The following AMPH variants were observed in gnomAD, a reference collection of about 807,000 sequenced individuals.
AMPH encodes the protein amphiphysin.
Under a neutral mutation model 99.1 loss-of-function variants are expected in AMPH, and 49 were observed. The observed-to-expected ratio is 0.49, with a 90% CI of 0.39 to 0.63. The LOEUF (loss-of-function observed/expected upper bound fraction) is 0.63. AMPH is among the 20% of genes least tolerant of loss of function. The pLI, the probability that AMPH is intolerant of heterozygous loss-of-function variation, is 0.00. For synonymous variants in AMPH, 314 were observed against 317.3 expected (o/e 0.99, Z 0.11); for missense variants, 759 against 863.4 (o/e 0.88, Z 1.52).
chr7:38,623,740 T>C (rs576407525), intron 1 of AMPH, among the ~76,000 whole-genome samples: 1 of 152,330 alleles, frequency 6.6e-6, no homozygotes, highest in Non-Finnish European at 1.5e-5. Flanking sequence ...CCATTCTTTT[T>C]ATACATGCAC....
intron 20 of AMPH, among the ~76,000 whole-genome samples, chr7:38,389,493 T>C (rs1011827024): frequency 2.0e-5 from 3 of 152,066 alleles, no homozygotes; most frequent in African/African-American, 7.2e-5. Flanking sequence ...TTTGAAGGGG[T>C]CTTTTAGTTC....
intron 3 of AMPH, among the ~76,000 whole-genome samples, chr7:38,495,697 G>A (rs867871133): frequency 2.5e-4 from 38 of 151,332 alleles, no homozygotes; most frequent in African/African-American, 8.5e-4. Context: ...TATGAATGAA[G>A]TTTTAAATCA....
At chr7:38,420,315 G>C (rs2215954) in intron 16 of AMPH, among the ~76,000 whole-genome samples, 99,913 of 152,088 alleles carry the variant, frequency 0.66, 33,622 homozygotes, top group East Asian at 0.94. Context: ...GATAAAATGT[G>C]AGCAACCGCT....
At chr7:38,509,754 A>C (rs1789468298) in intron 2 of AMPH, among the ~76,000 whole-genome samples, 1 of 152,192 alleles carries the variant, frequency 6.6e-6, no homozygotes, top group South Asian at 2.1e-4. Flanking sequence ...ACAGTATTTA[A>C]TATACTGGTA....
rs991888502 is a variant in AMPH, at chr7:38,465,736, G to A, written c.667-187C>T. Among the ~76,000 whole-genome samples, 7 of 152,168 alleles carry A rather than the reference G, an allele frequency of 4.6e-5. 1 individual carries two copies. The highest frequency in any genetic ancestry group is 4.1e-4 in the South Asian group (2 of 4,820). On this transcript the variant is annotated intron_variant, in intron 8 of 20. Coordinates refer to ENST00000356264, the MANE Select transcript of AMPH (RefSeq NM_001635.4). Reference sequence around the variant, plus strand: ...AATCTATGTCAAAACTGAAACAAACGAAACACGAGTAAACTAAATATATAT... The same window carrying A: ...AATCTATGTCAAAACTGAAACAAACAAAACACGAGTAAACTAAATATATAT...
intron 1 of AMPH, among the ~76,000 whole-genome samples, chr7:38,587,947 T>TGTGTGTGCGC (rs1554368935): frequency 1.4e-5 from 2 of 144,714 alleles, no homozygotes; most frequent in African/African-American, 5.1e-5. Context: ...TGTGTGTGTG[T>TGTGTGTGCGC]GTGCGCGTGT....
At chr7:38,461,083 T>TA (rs968502975) in intron 11 of AMPH, among the ~76,000 whole-genome samples, 200 bp downstream of exon 11, 21 of 152,108 alleles carry the variant, frequency 1.4e-4, no homozygotes, top group African/African-American at 3.4e-4. Context: ...TACCCTTAAT[T>TA]AAAAAAAAGA....
At chr7:38,543,644 T>TGAAAATTA (rs1790891969) in intron 1 of AMPH, among the ~76,000 whole-genome samples, 1 of 152,208 alleles carries the variant, frequency 6.6e-6, no homozygotes, top group African/African-American at 2.4e-5. Context: ...ATGAGAACAC[T>TGAAAATTA]GAAAATTAGA....
At chr7:38,547,161 C>T (rs1214566941) in intron 1 of AMPH, among the ~76,000 whole-genome samples, 1 of 152,130 alleles carries the variant, frequency 6.6e-6, no homozygotes, top group African/African-American at 2.4e-5. Context: ...CCTCCCCTTG[C>T]TTTTAGGCCT....
At chr7:38,534,820 A>T in intron 2 of AMPH, 111 bp downstream of exon 2, 1 of 846,284 alleles carries the variant, frequency 1.2e-6, no homozygotes, top group Non-Finnish European at 1.9e-6. Context: ...CTCTCAAGTT[A>T]GTGCCAACTC....
At chr7:38,505,940 A>T (rs1789309899) in intron 2 of AMPH, among the ~76,000 whole-genome samples, 2 of 152,214 alleles carry the variant, frequency 1.3e-5, no homozygotes, top group South Asian at 4.1e-4. Flanking sequence ...GAGAAAGATC[A>T]TACTTCCTGC....
intron 2 of AMPH, among the ~76,000 whole-genome samples, chr7:38,512,239 G>A (rs1417856187): frequency 2.0e-5 from 3 of 152,066 alleles, no homozygotes; most frequent in African/African-American, 2.4e-5. Flanking sequence ...TCCATGTTGG[G>A]GCTTACAAGG....
intron 3 of AMPH, among the ~76,000 whole-genome samples, chr7:38,503,275 G>A (rs1584177206): frequency 6.6e-6 from 1 of 152,152 alleles, no homozygotes; most frequent in Non-Finnish European, 1.5e-5. Flanking sequence ...CCAGTGAGAG[G>A]GCTTAGGTGC....
chr7:38,482,473 A>G (rs1788323132), intron 5 of AMPH, among the ~76,000 whole-genome samples: 1 of 152,170 alleles, frequency 6.6e-6, no homozygotes, highest in African/African-American at 2.4e-5. Flanking sequence ...TGAGAAGACC[A>G]GCCAATATAA....
intron 1 of AMPH, among the ~76,000 whole-genome samples, chr7:38,603,048 T>C (rs1793305780): frequency 6.6e-6 from 1 of 152,174 alleles, no homozygotes; most frequent in South Asian, 2.1e-4. Context: ...TAGTACCATA[T>C]CTATTTCCTC....
intron 1 of AMPH, among the ~76,000 whole-genome samples, chr7:38,608,689 G>A (rs1051246423): frequency 1.3e-5 from 2 of 152,170 alleles, no homozygotes; most frequent in Admixed American, 1.3e-4. Flanking sequence ...GAGAAAGAAG[G>A]CTGAGGGCTG....
intron 1 of AMPH, among the ~76,000 whole-genome samples, chr7:38,576,212 A>G (rs144350340): frequency 2.4e-4 from 37 of 152,242 alleles, no homozygotes; most frequent in Non-Finnish European, 5.1e-4. Flanking sequence ...AAAGGAGTCC[A>G]TATTACTTTG....
intron 1 of AMPH, among the ~76,000 whole-genome samples, chr7:38,582,174 C>T (rs1274391495): frequency 1.3e-5 from 2 of 152,056 alleles, no homozygotes; most frequent in Non-Finnish European, 2.9e-5. Context: ...AAGGAACCAG[C>T]TAAAAAGGAA....
rs544834343 is a variant in AMPH, at chr7:38,476,346, T to C, written c.504+516A>G. Reference sequence around the variant, plus strand: ...ATTCAGGCAGCTGTGTGTAGGCACATAGGAAAAGGCATGACTGGAAGAAGA... The same window carrying C: ...ATTCAGGCAGCTGTGTGTAGGCACACAGGAAAAGGCATGACTGGAAGAAGA... On this transcript the variant is annotated intron_variant, in intron 6 of 20. Coordinates refer to ENST00000356264, the MANE Select transcript of AMPH (RefSeq NM_001635.4). Among the ~76,000 whole-genome samples, 39 of 152,308 alleles carry C rather than the reference T, an allele frequency of 2.6e-4. No homozygotes were observed. The South Asian group carries it at 6.0e-3, about 23-fold the overall frequency.
Sources: allele counts gnomAD v4.1 joint callset (sites outside exome capture counted in the v4.1 genomes callset), GRCh38; gene constraint gnomAD v4.1.1; transcripts MANE v1.5; gene names NCBI Gene and HGNC (gene_info 2026-07-23, HGNC 2026-07-21).